The following ASB18 variants were observed in gnomAD, a reference collection of about 807,000 sequenced individuals.
The protein encoded by ASB18 is ankyrin repeat and SOCS box protein 18.
Under a neutral mutation model 33.4 loss-of-function variants are expected in ASB18, and 33 were observed. The ratio of observed to expected loss-of-function variants is 0.99; its 90% CI spans 0.75 to 1.32. The LOEUF is 1.32. Among genes scored for constraint, ASB18 ranks in the 40% most tolerant of loss-of-function variants. The pLI is 0.00. For missense variants in ASB18, 694 were observed against 655.5 expected (o/e 1.06, Z -0.64); for synonymous variants, 295 against 307.6 (o/e 0.96, Z 0.43).
rs888662668 is a variant in ASB18 at position 236,263,236 on chromosome 2, G to A, written c.205+905C>T. Among the ~76,000 whole-genome samples, 3 of 152,230 alleles carry A rather than the reference G, an allele frequency of 2.0e-5. No homozygotes were observed. Among genetic ancestry groups the A allele is most frequent in the Admixed American group, 6.5e-5 (1 of 15,282 alleles). On this transcript the variant is annotated intron_variant, in intron 1 of 5. Coordinates refer to ENST00000409749, the MANE Select transcript of ASB18 (RefSeq NM_212556.4). The surrounding 1 kb of genome is among the most constrained non-coding windows in gnomAD (Gnocchi z 4.0). Reference sequence around the variant, plus strand: ...GATGATGTCTATGTTACGTGAAGAAGTCCTACAAAATGATAAAAATGATTC... The same window carrying A: ...GATGATGTCTATGTTACGTGAAGAAATCCTACAAAATGATAAAAATGATTC...
chr2:236,225,229 C>T lies in ASB18; in HGVS notation c.597-10363G>A, dbSNP rs921440403. On this transcript the variant is annotated intron_variant, in intron 3 of 5. Transcript: ENST00000409749. This position sits in a 1 kb window ranked among gnomAD's most constrained non-coding sequence, Gnocchi z 5.1. ...CTCGACTTCCTGGGCTCAAGTGATC[C>T]TCCAGACTCAGCCTCCCAAGTAGCT... is the stretch of plus-strand genomic sequence containing the variant. Among the ~76,000 whole-genome samples, 2 of 152,096 alleles carry T rather than the reference C, an allele frequency of 1.3e-5. No individual in the cohort carries two copies. Among genetic ancestry groups the T allele is most frequent in the Non-Finnish European group, 2.9e-5 (2 of 68,014 alleles).
rs1003445074 is a variant in ASB18 at position 236,196,670 on chromosome 2, A to AG, written c.1102-286dup. On this transcript the variant is annotated intron_variant, in intron 4 of 5. Transcript: ENST00000409749. This position sits in a 1 kb window ranked among gnomAD's most constrained non-coding sequence, Gnocchi z 5.6. ...CAAGTGCTTAAGCATTCAGGTTCCC[A>AG]GGGGGGCTATGCTGGTGGCTTGGCA... Among the ~76,000 whole-genome samples the AG allele has an allele frequency of 3.3e-5, 5 of 152,194 alleles. No homozygotes were observed. Among genetic ancestry groups the AG allele is most frequent in the Admixed American group, 6.5e-5 (1 of 15,284 alleles).
chr2:236,193,584 A>G lies in ASB18; in HGVS notation c.*1288T>C, dbSNP rs1202096664. Among the ~76,000 whole-genome samples the G allele has an allele frequency of 6.6e-6, 1 of 152,140 alleles. No homozygotes were observed. The highest frequency in any genetic ancestry group is 1.9e-4 in the East Asian group (1 of 5,172). On this transcript the variant is annotated 3_prime_UTR_variant, in exon 6 of 6. Transcript: ENST00000409749. The surrounding 1 kb of genome is among the most constrained non-coding windows in gnomAD (Gnocchi z 5.0). ...GGCCGAGGCGGGCAGATCACCTGAG[A>G]TCGGGAGTTTGAGACCAGCCTGACG... is the stretch of plus-strand genomic sequence containing the variant.
rs982839471 is a variant in ASB18 at position 236,251,184 on chromosome 2, CT to C, written c.206-9783del. On this transcript the variant is annotated intron_variant, in intron 1 of 5. Transcript: ENST00000409749. The surrounding 1 kb of genome is among the most constrained non-coding windows in gnomAD (Gnocchi z 5.3). ...CGCTTTCATTGGCAGCCCAGGAGGG[CT>C]TTTTTGGAAGCTCAGAAACAAAGAT... Among the ~76,000 whole-genome samples the C allele has an allele frequency of 1.3e-5, 2 of 152,106 alleles. No individual in the cohort carries two copies. The highest frequency in any genetic ancestry group is 4.8e-5 in the African/African-American group (2 of 41,404).
chr2:236,199,424 A>G (rs1576392706), intron 4 of ASB18, among the ~76,000 whole-genome samples: 1 of 150,682 alleles, frequency 6.6e-6, no homozygotes, highest in African/African-American at 2.4e-5. Flanking sequence ...AAAAAAAAAA[A>G]AAAAGAAAAA....
In ASB18 at chr2:236,237,351, G is replaced by A. The variant is rs1226754177; in HGVS notation, c.596+338C>T. On this transcript the variant is annotated intron_variant, in intron 3 of 5. Transcript: ENST00000409749. This position sits in a 1 kb window ranked among gnomAD's most constrained non-coding sequence, Gnocchi z 6.2. ...ATTAAACCCGCGGGGGCCGGGGCCG[G>A]GGCGCGGGGCGGGGGCCGGGGCCGG... Among the ~76,000 whole-genome samples, 1 of 53,788 alleles carries A rather than the reference G, an allele frequency of 1.9e-5. No homozygotes were observed. Among genetic ancestry groups the A allele is most frequent in the East Asian group, 6.2e-4 (1 of 1,608 alleles). 35.3% of individuals were successfully genotyped at this position (53,788 alleles called of 152,430 possible).
rs918301701 is a variant in ASB18, at chr2:236,237,134, C to T, written c.596+555G>A. 1.3e-5 allele frequency among the ~76,000 whole-genome samples: 2 copies of T among 152,134 alleles called. No homozygotes were observed. The highest frequency in any genetic ancestry group is 4.8e-5 in the African/African-American group (2 of 41,452). The stretch of plus-strand genomic sequence containing the variant: ...CTTCCGAGCGGGCCTGGAAGCCCCG[C>T]CCGAGGAGCTAACCATTTATGTCAC... On this transcript the variant is annotated intron_variant, in intron 3 of 5. Transcript: ENST00000409749. This position sits in a 1 kb window ranked among gnomAD's most constrained non-coding sequence, Gnocchi z 6.2.
intron 4 of ASB18, among the ~76,000 whole-genome samples, chr2:236,202,347 T>C (rs1300992509): frequency 6.6e-6 from 1 of 152,138 alleles, no homozygotes; most frequent in African/African-American, 2.4e-5. Flanking sequence ...TCATTTATTA[T>C]CATAAATCAA....
rs2060375336 is a variant in ASB18 at position 236,196,649 on chromosome 2, T to G, written c.1102-264A>C. 1.3e-5 allele frequency among the ~76,000 whole-genome samples: 2 copies of G among 152,170 alleles called. No individual in the cohort carries two copies. The highest frequency in any genetic ancestry group is 2.4e-5 in the African/African-American group (1 of 41,446). ...CCGCCCAGCCAAAGTCTGGGCCAAG[T>G]GCTTAAGCATTCAGGTTCCCAGGGG... On this transcript the variant is annotated intron_variant, in intron 4 of 5. Transcript: ENST00000409749. The surrounding 1 kb of genome is among the most constrained non-coding windows in gnomAD (Gnocchi z 5.6).
rs1196175098 is a variant in ASB18, at chr2:236,229,940, G to T, written c.596+7749C>A. ...AGAAAATCTTAAAGCCAGATAAAAG[G>T]ATATTTATTAGCTATAAAAGAACAA... On this transcript the variant is annotated intron_variant, in intron 3 of 5. Coordinates refer to ENST00000409749, the MANE Select transcript of ASB18 (RefSeq NM_212556.4). This position sits in a 1 kb window ranked among gnomAD's most constrained non-coding sequence, Gnocchi z 5.2. Among the ~76,000 whole-genome samples the T allele has an allele frequency of 6.6e-6, 1 of 152,002 alleles. No individual in the cohort carries two copies. The highest frequency in any genetic ancestry group is 1.5e-5 in the Non-Finnish European group (1 of 68,004).
At chr2:236,206,016 T>C (rs183373054) in intron 4 of ASB18, among the ~76,000 whole-genome samples, 239 of 152,314 alleles carry the variant, frequency 1.6e-3, no homozygotes, top group Admixed American at 5.2e-3. Flanking sequence ...GAGAACACCC[T>C]TTTCGATTGC....
At position 236,228,946 on chromosome 2, in the gene ASB18, C is replaced by G. The variant is rs2060552967; in HGVS notation, c.596+8743G>C. Reference sequence around the variant, plus strand: ...AAATGTAGAGAAAAAACCAAAAAATCAAAAGTGACCCAGAGGCTGGGAGCA... The same window carrying G: ...AAATGTAGAGAAAAAACCAAAAAATGAAAAGTGACCCAGAGGCTGGGAGCA... On this transcript the variant is annotated intron_variant, in intron 3 of 5. Coordinates refer to ENST00000409749, the MANE Select transcript of ASB18 (RefSeq NM_212556.4). The surrounding 1 kb of genome is among the most constrained non-coding windows in gnomAD (Gnocchi z 5.1). 6.6e-6 allele frequency among the ~76,000 whole-genome samples: 1 copy of G among 151,984 alleles called. No individual in the cohort carries two copies. Among genetic ancestry groups the G allele is most frequent in the East Asian group, 1.9e-4 (1 of 5,180 alleles).
At position 236,262,577 on chromosome 2, in the gene ASB18, C is replaced by T. The variant is rs1462338003; in HGVS notation, c.205+1564G>A. 6.6e-6 allele frequency among the ~76,000 whole-genome samples: 1 copy of T among 152,224 alleles called. No individual in the cohort carries two copies. Among genetic ancestry groups the T allele is most frequent in the Non-Finnish European group, 1.5e-5 (1 of 68,046 alleles). On this transcript the variant is annotated intron_variant, in intron 1 of 5. Coordinates refer to ENST00000409749, the MANE Select transcript of ASB18 (RefSeq NM_212556.4). The surrounding 1 kb of genome is among the most constrained non-coding windows in gnomAD (Gnocchi z 5.2). ...AGCCAGAGGGCAAGTGGGACTGATG[C>T]AGTTTGCAGAGATCAGCCTCGGGGG... is the stretch of plus-strand genomic sequence containing the variant.
rs1198868600 is a variant in ASB18, at chr2:236,221,050, T to G, written c.597-6184A>C. Among the ~76,000 whole-genome samples the G allele has an allele frequency of 6.6e-6, 1 of 152,052 alleles. No individual in the cohort carries two copies. The highest frequency in any genetic ancestry group is 2.4e-5 in the African/African-American group (1 of 41,400). On this transcript the variant is annotated intron_variant, in intron 3 of 5. Coordinates refer to ENST00000409749, the MANE Select transcript of ASB18 (RefSeq NM_212556.4). This position sits in a 1 kb window ranked among gnomAD's most constrained non-coding sequence, Gnocchi z 5.6. ...CGGTAGATGGCATCCTCCCTCCTTTTTGGTGAGGAGTTCATCTTTGAGGTT... is the reference window on the plus strand; with the variant it reads ...CGGTAGATGGCATCCTCCCTCCTTTGTGGTGAGGAGTTCATCTTTGAGGTT...
In ASB18 at chr2:236,262,523, A is replaced by C. The variant is rs189851608; in HGVS notation, c.205+1618T>G. Among the ~76,000 whole-genome samples, 3 of 152,350 alleles carry C rather than the reference A, an allele frequency of 2.0e-5. No homozygotes were observed. In the East Asian group the frequency reaches 5.8e-4, roughly 29 times the overall value. Reference sequence around the variant, plus strand: ...ACTTGCCCTACCCTCACTTTCCTCCAACTCCTATCATTAGTGGCACCCAAC... The same window carrying C: ...ACTTGCCCTACCCTCACTTTCCTCCCACTCCTATCATTAGTGGCACCCAAC... On this transcript the variant is annotated intron_variant, in intron 1 of 5. Transcript: ENST00000409749. The surrounding 1 kb of genome is among the most constrained non-coding windows in gnomAD (Gnocchi z 5.2).
Position 236,196,472 on chromosome 2 carries a change from C to A in ASB18, c.1102-87G>T. ...AGGGTGGGGGGTGTGGGGGGATGCT[C>A]TCCCTAGCTGTGTGACCTCCCTACG... On this transcript the variant is annotated intron_variant, in intron 4 of 5. Transcript: ENST00000409749. This position sits in a 1 kb window ranked among gnomAD's most constrained non-coding sequence, Gnocchi z 5.6. The A allele has an allele frequency of 1.4e-6, 1 of 724,514 alleles. No individual in the cohort carries two copies. The highest frequency in any genetic ancestry group is 1.6e-5 in the South Asian group (1 of 61,970). 44.9% of individuals were successfully genotyped at this position (724,514 alleles called of 1,614,324 possible). A position where few individuals can be genotyped will look rare whatever the true frequency, so the allele number is the denominator to read the frequency against.
At chr2:236,199,964 C>G (rs577970495) in intron 4 of ASB18, among the ~76,000 whole-genome samples, 19 of 152,102 alleles carry the variant, frequency 1.2e-4, no homozygotes, top group African/African-American at 4.3e-4. Context: ...CTTCTTGAGT[C>G]CATTTTGTTA....
At chr2:236,202,980 A>G (rs1352787799) in intron 4 of ASB18, among the ~76,000 whole-genome samples, 7 of 151,832 alleles carry the variant, frequency 4.6e-5, no homozygotes, top group African/African-American at 1.5e-4. Context: ...TCATATTTAT[A>G]TTGCGTATCT....
chr2:236,203,524 C>G lies in ASB18; in HGVS notation c.1102-7139G>C, dbSNP rs2060416859. 6.6e-6 allele frequency among the ~76,000 whole-genome samples: 1 copy of G among 152,112 alleles called. No homozygotes were observed. The highest frequency in any genetic ancestry group is 2.1e-4 in the South Asian group (1 of 4,820). ...GAGAAGGAGGCTGGCACAGGGAGCACTTGCCAGGTATGAGTGGAGGAGAGG... is the reference window on the plus strand; with the variant it reads ...GAGAAGGAGGCTGGCACAGGGAGCAGTTGCCAGGTATGAGTGGAGGAGAGG... On this transcript the variant is annotated intron_variant, in intron 4 of 5. Coordinates refer to ENST00000409749, the MANE Select transcript of ASB18 (RefSeq NM_212556.4). This position sits in a 1 kb window ranked among gnomAD's most constrained non-coding sequence, Gnocchi z 6.0.
Sources: allele counts gnomAD v4.1 joint callset (sites outside exome capture counted in the v4.1 genomes callset), GRCh38; gene constraint gnomAD v4.1.1; non-coding constraint Gnocchi (gnomAD v3.1); transcripts MANE v1.5; gene names NCBI Gene and HGNC (gene_info 2026-07-23, HGNC 2026-07-21).